Variants in ZHX2 observed in about 807,000 individuals in gnomAD.
ZHX2 encodes zinc fingers and homeoboxes protein 2.
In ZHX2, 6 loss-of-function variants were observed where a neutral mutation model predicts 21.9. That is an observed-to-expected ratio of 0.27 (90% CI 0.15 to 0.54). The LOEUF is 0.54. ZHX2 is among the 20% of genes least tolerant of loss of function. The probability of loss-of-function intolerance (pLI) is 0.95; values close to 1 mark genes in which losing one functional copy is unlikely to be tolerated. For missense variants in ZHX2, 908 were observed against 1,090.7 expected (o/e 0.83, Z 2.36); for synonymous variants, 434 against 437.1 (o/e 0.99, Z 0.09).
intron 2 of ZHX2, among the ~76,000 whole-genome samples, chr8:122,904,087 T>C (rs918711495): frequency 5.9e-5 from 9 of 152,130 alleles, no homozygotes; most frequent in Non-Finnish European, 1.0e-4. Context: ...TTGTTTGGCT[T>C]GGTTCGTTTT....
In ZHX2 at chr8:122,953,311, G is replaced by A. The variant is rs755877034; in HGVS notation, c.1801G>A (p.Gly601Ser). The change falls in exon 3 of 4, where the codon GGC becomes AGC. Residue 601 changes from glycine (G) to serine (S), a missense_variant. Gly to Ser is a moderately conservative substitution (Grantham distance 56). This residue lies in a region of ZHX2 where 431 missense variants were observed against 428.6 expected (regional missense o/e 1.01). Coordinates refer to ENST00000314393, the MANE Select transcript of ZHX2 (RefSeq NM_014943.5). The surrounding 1 kb of genome is among the most constrained non-coding windows in gnomAD (Gnocchi z 4.6). ...VLDSMGSGKK[G>S]QDVGAPNGAL... is the part of the protein sequence containing the mutation. ...GGATTCCATGGGGTCTGGCAAAAAA[G>A]GCCAAGATGTGGGAGCCCCCAATGG... 6.2e-7 allele frequency: 1 copy of A among 1,614,040 alleles called. No individual in the cohort carries two copies. Among genetic ancestry groups the A allele is most frequent in the East Asian group, 2.2e-5 (1 of 44,832 alleles).
Position 122,952,877 on chromosome 8 carries a change from C to G in ZHX2, c.1367C>G (p.Ala456Gly), listed in dbSNP as rs778274286. Reference protein sequence around the residue: ...KTKEQIAHLKASFLQSQFPDD... With the variant: ...KTKEQIAHLKGSFLQSQFPDD... Reference sequence around the variant, plus strand: ...AAGGAGCAGATAGCACATCTCAAGGCCAGCTTTCTCCAGAGCCAGTTCCCT... The same window carrying G: ...AAGGAGCAGATAGCACATCTCAAGGGCAGCTTTCTCCAGAGCCAGTTCCCT... Residue 456 changes from alanine (A) to glycine (G), a missense_variant, in exon 3 of 4, where the codon GCC (alanine) becomes GGC (glycine). By Grantham distance (60) the Ala-to-Gly change is moderately conservative. Transcript: ENST00000314393. This position sits in a 1 kb window ranked among gnomAD's most constrained non-coding sequence, Gnocchi z 6.9. 1 of 1,614,150 alleles carries G rather than the reference C, an allele frequency of 6.2e-7. No homozygotes were observed. The highest frequency in any genetic ancestry group is 8.5e-7 in the Non-Finnish European group (1 of 1,180,044).
chr8:122,864,153 A>G (rs1023589586), intron 2 of ZHX2, among the ~76,000 whole-genome samples: 1 of 149,638 alleles, frequency 6.7e-6, no homozygotes, highest in African/African-American at 2.5e-5. Flanking sequence ...GTCGAAGGGG[A>G]GAGTGCAATG....
At position 122,828,199 on chromosome 8, in the gene ZHX2, G is replaced by C. The variant is rs1818301768; in HGVS notation, c.-282-35278G>C. Among the ~76,000 whole-genome samples, 1 of 152,206 alleles carries C rather than the reference G, an allele frequency of 6.6e-6. No homozygotes were observed. Among genetic ancestry groups the C allele is most frequent in the South Asian group, 2.1e-4 (1 of 4,832 alleles). On this transcript the variant is annotated intron_variant, in intron 1 of 3. Transcript: ENST00000314393. This position sits in a 1 kb window ranked among gnomAD's most constrained non-coding sequence, Gnocchi z 5.2. ...ACTGGCCAGGAGAGCAGAGGCGAGTGCAGCGTATATGGAACAAAAGCACCC... is the reference window on the plus strand; with the variant it reads ...ACTGGCCAGGAGAGCAGAGGCGAGTCCAGCGTATATGGAACAAAAGCACCC...
At chr8:122,915,148 A>G (rs374774798) in intron 2 of ZHX2, among the ~76,000 whole-genome samples, 117 of 152,276 alleles carry the variant, frequency 7.7e-4, no homozygotes, top group African/African-American at 2.7e-3. Context: ...CTTTACAGGT[A>G]ATGCAGTGAA....
chr8:122,853,325 A>G (rs1037123498), intron 1 of ZHX2, among the ~76,000 whole-genome samples: 2 of 152,128 alleles, frequency 1.3e-5, no homozygotes, highest in Admixed American at 1.3e-4. Flanking sequence ...TGAGATACAC[A>G]GTGTTATGAT....
At chr8:122,889,187 T>C (rs1819918142) in intron 2 of ZHX2, among the ~76,000 whole-genome samples, 1 of 152,226 alleles carries the variant, frequency 6.6e-6, no homozygotes, top group Non-Finnish European at 1.5e-5. Flanking sequence ...GCAATAAACA[T>C]GGGAGTGCAG....
intron 2 of ZHX2, among the ~76,000 whole-genome samples, chr8:122,928,838 C>A (rs11775763): frequency 0.25 from 37,438 of 152,004 alleles, 4,757 homozygotes; most frequent in Middle Eastern, 0.33. Flanking sequence ...CTTGGTGCCC[C>A]CTCAGGTGTG....
intron 3 of ZHX2, among the ~76,000 whole-genome samples, chr8:122,956,759 A>G (rs1234812637): frequency 6.6e-6 from 1 of 152,198 alleles, no homozygotes; most frequent in African/African-American, 2.4e-5. Context: ...TTGAATAGAA[A>G]GATGCTTAGT....
chr8:122,939,734 G>C (rs1812795114), intron 2 of ZHX2, among the ~76,000 whole-genome samples: 1 of 152,202 alleles, frequency 6.6e-6, no homozygotes, highest in Non-Finnish European at 1.5e-5. Flanking sequence ...GGAAATTTAA[G>C]AGGTAGGAAC....
rs193094447 is a variant in ZHX2, at chr8:122,869,485, A to G, written c.-220+5946A>G. On this transcript the variant is annotated intron_variant, in intron 2 of 3. Coordinates refer to ENST00000314393, the MANE Select transcript of ZHX2 (RefSeq NM_014943.5). The stretch of plus-strand genomic sequence containing the variant: ...TCTCTTCATTCTTATCCAGCCTCAG[A>G]CTCTTCCCGCCTGAGGATGGAGCTG... Among the ~76,000 whole-genome samples, 176 of 151,364 alleles carry G rather than the reference A, an allele frequency of 1.2e-3. 5 individuals are homozygous for G. Among genetic ancestry groups the G allele is most frequent in the Admixed American group, 4.3e-3 (66 of 15,238 alleles).
chr8:122,959,490 G>A (rs965191442), intron 3 of ZHX2, among the ~76,000 whole-genome samples: 2 of 152,120 alleles, frequency 1.3e-5, no homozygotes, highest in Non-Finnish European at 2.9e-5. Flanking sequence ...GACCCTTACC[G>A]GCAGGGACCA....
At chr8:122,786,761 C>G (rs766877838) in intron 1 of ZHX2, among the ~76,000 whole-genome samples, 1 of 151,694 alleles carries the variant, frequency 6.6e-6, no homozygotes, top group Non-Finnish European at 1.5e-5. Flanking sequence ...GTGGCAAGTC[C>G]GTACCACACA....
intron 1 of ZHX2, among the ~76,000 whole-genome samples, chr8:122,785,302 AACG>A (rs1817373401): frequency 1.3e-5 from 2 of 152,274 alleles, no homozygotes; most frequent in Non-Finnish European, 2.9e-5. Context: ...GTCAGACAAC[AACG>A]GGGTGAGGGG....
At chr8:122,888,902 A>G (rs1586363159) in intron 2 of ZHX2, among the ~76,000 whole-genome samples, 1 of 151,798 alleles carries the variant, frequency 6.6e-6, no homozygotes, top group South Asian at 2.1e-4. Flanking sequence ...CCTCTTTTCT[A>G]CCCTTCCCAA....
At chr8:122,928,917 A>G (rs1187984706) in intron 2 of ZHX2, among the ~76,000 whole-genome samples, 5 of 152,126 alleles carry the variant, frequency 3.3e-5, no homozygotes, top group Non-Finnish European at 7.4e-5. Flanking sequence ...TAAAGATAGG[A>G]CATCCTATTA....
At chr8:122,961,733 C>T (rs1431320668) in intron 3 of ZHX2, among the ~76,000 whole-genome samples, 1 of 152,180 alleles carries the variant, frequency 6.6e-6, no homozygotes. Flanking sequence ...GGGGAAACCA[C>T]CCCCATGATT....
At chr8:122,812,825 A>G (rs1397544449) in intron 1 of ZHX2, among the ~76,000 whole-genome samples, 1 of 152,142 alleles carries the variant, frequency 6.6e-6, no homozygotes, top group Non-Finnish European at 1.5e-5. Flanking sequence ...ATACCAACTG[A>G]TTGCTTCCCA....
At chr8:122,799,645 G>A (rs1382724306) in intron 1 of ZHX2, among the ~76,000 whole-genome samples, 1 of 152,072 alleles carries the variant, frequency 6.6e-6, no homozygotes, top group East Asian at 1.9e-4. Context: ...TTAGCTCTTA[G>A]CCTGCTGATA....
Sources: allele counts gnomAD v4.1 joint callset (sites outside exome capture counted in the v4.1 genomes callset), GRCh38; gene constraint gnomAD v4.1.1; regional missense constraint gnomAD v4.1.1; non-coding constraint Gnocchi (gnomAD v3.1); transcripts MANE v1.5; gene names NCBI Gene and HGNC (gene_info 2026-07-23, HGNC 2026-07-21).